The following GABBR2 variants were observed in gnomAD, a reference collection of about 807,000 sequenced individuals.
GABBR2 encodes G-protein coupled receptor 51.
In GABBR2, 23 loss-of-function variants were observed where a neutral mutation model predicts 105.6. The ratio of observed to expected loss-of-function variants is 0.22; its 90% CI spans 0.16 to 0.31. The LOEUF (loss-of-function observed/expected upper bound fraction) is 0.31. Ranked by LOEUF, GABBR2 falls within the 10% of genes least tolerant of loss-of-function variation. The probability of loss-of-function intolerance (pLI) is 1.00; values close to 1 mark genes in which losing one functional copy is unlikely to be tolerated. For missense variants in GABBR2, 734 were observed against 1,245.5 expected (o/e 0.59, Z 6.18); for synonymous variants, 478 against 499.7 (o/e 0.96, Z 0.58).
At chr9:98,611,392 T>C (rs1829503867) in intron 1 of GABBR2, among the ~76,000 whole-genome samples, 1 of 152,170 alleles carries the variant, frequency 6.6e-6, no homozygotes, top group African/African-American at 2.4e-5. Context: ...AACTATTTCC[T>C]ACTTGAGCTT....
At chr9:98,692,404 T>C (rs1001622851) in intron 1 of GABBR2, among the ~76,000 whole-genome samples, 1 of 152,212 alleles carries the variant, frequency 6.6e-6, no homozygotes, top group African/African-American at 2.4e-5. Context: ...TTAGTCTTTC[T>C]TGAAGTGCTT....
chr9:98,617,880 G>A (rs1247006407), intron 1 of GABBR2, among the ~76,000 whole-genome samples: 3 of 152,150 alleles, frequency 2.0e-5, no homozygotes, highest in Non-Finnish European at 2.9e-5. Flanking sequence ...ACCCAGTGAT[G>A]CCCCCACTAC....
intron 2 of GABBR2, among the ~76,000 whole-genome samples, chr9:98,561,649 G>A (rs62576023): frequency 0.12 from 18,851 of 152,222 alleles, 1,507 homozygotes; most frequent in South Asian, 0.18. Context: ...CGGGAAGGCC[G>A]AGGCAGGAGG....
chr9:98,680,379 C>T (rs1830528477), intron 1 of GABBR2, among the ~76,000 whole-genome samples: 1 of 152,084 alleles, frequency 6.6e-6, no homozygotes, highest in Admixed American at 6.5e-5. Flanking sequence ...GATCTCGGCT[C>T]ACTGCAAGCT....
At chr9:98,552,850 C>T (rs1300289268) in intron 2 of GABBR2, among the ~76,000 whole-genome samples, 1 of 151,956 alleles carries the variant, frequency 6.6e-6, no homozygotes, top group African/African-American at 2.4e-5. Flanking sequence ...CAGCTTTTAC[C>T]ACCCCCTGCT....
chr9:98,436,606 C>T (rs977390685), intron 7 of GABBR2, among the ~76,000 whole-genome samples: 14 of 150,906 alleles, frequency 9.3e-5, no homozygotes, highest in Admixed American at 7.3e-4. Context: ...GGACAGCATG[C>T]AACCTTGATC....
rs757333304 is a variant in GABBR2 at position 98,303,166 on chromosome 9, C to T, written c.2412+75G>A. 328 of 1,248,144 alleles carry T rather than the reference C, an allele frequency of 2.6e-4. 1 individual carries two copies. The highest frequency in any genetic ancestry group is 3.2e-4 in the Non-Finnish European group (280 of 873,922). 77.3% of individuals were successfully genotyped at this position (1,248,144 alleles called of 1,614,324 possible). A position where few individuals can be genotyped will look rare whatever the true frequency, so the allele number is the denominator to read the frequency against. ...TGCTGCAGGGATGGTCTAGAGGAGC[C>T]TGAGAGTCCCCGCACAGGGTTAGAG... is the stretch of plus-strand genomic sequence containing the variant. On this transcript the variant is annotated intron_variant, in intron 16 of 18. Transcript: ENST00000259455.
intron 18 of GABBR2, among the ~76,000 whole-genome samples, chr9:98,292,197 C>T (rs931720853): frequency 3.3e-5 from 5 of 152,214 alleles, no homozygotes; most frequent in African/African-American, 1.2e-4. Context: ...TTCCCAGTGC[C>T]TGGCCACTCA....
chr9:98,359,452 AT>A (rs1831544244), intron 13 of GABBR2, among the ~76,000 whole-genome samples: 1 of 152,166 alleles, frequency 6.6e-6, no homozygotes, highest in Admixed American at 6.5e-5. Flanking sequence ...ATAAAATAAA[AT>A]AAATCGATCA....
intron 1 of GABBR2, among the ~76,000 whole-genome samples, chr9:98,588,626 G>A (rs187571928): frequency 6.6e-6 from 1 of 152,326 alleles, no homozygotes; most frequent in Admixed American, 6.5e-5. Flanking sequence ...TGCACACAGT[G>A]AGTGAGGGGC....
At chr9:98,402,380 G>C (rs1170748172) in intron 8 of GABBR2, among the ~76,000 whole-genome samples, 1 of 152,144 alleles carries the variant, frequency 6.6e-6, no homozygotes, top group Non-Finnish European at 1.5e-5. Context: ...TCTACACGTG[G>C]TGTCGTGAAA....
At chr9:98,508,574 G>T (rs1004904130) in intron 3 of GABBR2, among the ~76,000 whole-genome samples, 1 of 152,202 alleles carries the variant, frequency 6.6e-6, no homozygotes, top group African/African-American at 2.4e-5. Context: ...CTAATACTGC[G>T]CTTTTCCAAC....
At chr9:98,666,702 T>C (rs903720891) in intron 1 of GABBR2, among the ~76,000 whole-genome samples, 6 of 152,186 alleles carry the variant, frequency 3.9e-5, no homozygotes, top group Non-Finnish European at 7.3e-5. Context: ...TAGTTACTCA[T>C]GGCTGGTAGC....
chr9:98,698,107 C>T (rs753502581), intron 1 of GABBR2, among the ~76,000 whole-genome samples: 5 of 152,206 alleles, frequency 3.3e-5, no homozygotes, highest in Admixed American at 2.0e-4. Context: ...CTCTGTGCCA[C>T]CTCCTGACCC....
intron 2 of GABBR2, among the ~76,000 whole-genome samples, chr9:98,576,585 C>T (rs1049225838): frequency 6.6e-6 from 1 of 152,138 alleles, no homozygotes; most frequent in Non-Finnish European, 1.5e-5. Flanking sequence ...AGCTGTGAGT[C>T]CTTGTGCAAG....
At chr9:98,512,216 G>A (rs1827659434) in intron 3 of GABBR2, among the ~76,000 whole-genome samples, 1 of 132,586 alleles carries the variant, frequency 7.5e-6, no homozygotes, top group Non-Finnish European at 1.7e-5. Flanking sequence ...AGCCCTTCAT[G>A]CTAAAAACTC....
At chr9:98,447,807 G>A (rs1217850721) in intron 7 of GABBR2, among the ~76,000 whole-genome samples, 1 of 151,606 alleles carries the variant, frequency 6.6e-6, no homozygotes, top group Non-Finnish European at 1.5e-5. Flanking sequence ...TAAAAAGTTG[G>A]TAGGGTGGGT....
At chr9:98,377,500 G>A (rs1298474265) in intron 11 of GABBR2, among the ~76,000 whole-genome samples, 1 of 152,204 alleles carries the variant, frequency 6.6e-6, no homozygotes, top group Non-Finnish European at 1.5e-5. Context: ...GCCTGTCTCT[G>A]CCAGTGTACA....
In GABBR2 at chr9:98,708,901, G is replaced by GCC; in HGVS notation, c.-165_-164insGG. 1 of 249,460 alleles carries GCC rather than the reference G, an allele frequency of 4.0e-6. No homozygotes were observed. Among genetic ancestry groups the GCC allele is most frequent in the Non-Finnish European group, 6.4e-6 (1 of 156,662 alleles). The allele number at this position is 249,460 out of a possible 1,614,324, so 15.5% of individuals were successfully genotyped here. On this transcript the variant is annotated 5_prime_UTR_variant, in exon 1 of 19. Transcript: ENST00000259455. ...CGGCTCGGCTCAGAACGGCCGCGGC[G>GCC]GCGGCGGCGGCAGCGGCGGCGCCCG...
Sources: gnomAD v4.1 joint callset for allele counts (sites outside exome capture counted in the v4.1 genomes callset) on GRCh38, gnomAD v4.1.1 for gene constraint, MANE v1.5 for transcripts, NCBI Gene and HGNC (gene_info 2026-07-23, HGNC 2026-07-21) for gene names.